The following SNX9 variants were observed in gnomAD, a reference collection of about 807,000 sequenced individuals.
The protein encoded by SNX9 is sorting nexin-9.
Under a neutral mutation model 89.4 loss-of-function variants are expected in SNX9, and 44 were observed. That is an observed-to-expected ratio of 0.49 (90% confidence interval 0.39 to 0.63). SNX9 has a LOEUF of 0.63. Ranked by LOEUF, SNX9 falls within the 30% of genes least tolerant of loss-of-function variation. The pLI, the probability that SNX9 is intolerant of heterozygous loss-of-function variation, is 0.00. For missense variants in SNX9, 578 were observed against 736.1 expected (o/e 0.79, Z 2.49); for synonymous variants, 236 against 247.8 (o/e 0.95, Z 0.45).
intron 1 of SNX9, among the ~76,000 whole-genome samples, chr6:157,860,625 G>C (rs534681051): frequency 1.3e-5 from 2 of 152,292 alleles, no homozygotes; most frequent in African/African-American, 4.8e-5. Flanking sequence ...GCATATAGAA[G>C]CTTTGATCTG....
intron 1 of SNX9, among the ~76,000 whole-genome samples, chr6:157,864,345 G>T (rs1399290055): frequency 6.6e-6 from 1 of 152,104 alleles, no homozygotes; most frequent in Non-Finnish European, 1.5e-5. Flanking sequence ...CTGCCTTGGG[G>T]GTTCAGTTTC....
At chr6:157,876,132 C>T (rs974090833) in intron 4 of SNX9, among the ~76,000 whole-genome samples, 1 of 151,488 alleles carries the variant, frequency 6.6e-6, no homozygotes, top group Non-Finnish European at 1.5e-5. Flanking sequence ...AATCATATCA[C>T]TTACAAGTAT....
intron 1 of SNX9, among the ~76,000 whole-genome samples, chr6:157,828,036 G>C (rs529549676): frequency 6.6e-6 from 1 of 152,136 alleles, no homozygotes; most frequent in African/African-American, 2.4e-5. Context: ...AATTCAGAAG[G>C]CATACTTTGT....
chr6:157,823,875 C>G lies in SNX9; in HGVS notation c.12+429C>G, dbSNP rs926567708. ...CCCTCCCGCTGCCGCCTGGGGGACC[C>G]TCGCCCCCGCGGGGCGGGTGGGGGT... On this transcript the variant is annotated intron_variant, in intron 1 of 17. Coordinates refer to ENST00000392185, the MANE Select transcript of SNX9 (RefSeq NM_016224.5). The surrounding 1 kb of genome is among the most constrained non-coding windows in gnomAD (Gnocchi z 4.6). 6.6e-6 allele frequency among the ~76,000 whole-genome samples: 1 copy of G among 151,972 alleles called. No homozygotes were observed. The highest frequency in any genetic ancestry group is 1.5e-5 in the Non-Finnish European group (1 of 67,946).
At chr6:157,892,957 C>G (rs981936907) in intron 4 of SNX9, among the ~76,000 whole-genome samples, 6 of 151,546 alleles carry the variant, frequency 4.0e-5, no homozygotes, top group African/African-American at 1.4e-4. Context: ...CTGTGGCCCT[C>G]CGAGCCCCTC....
intron 4 of SNX9, among the ~76,000 whole-genome samples, chr6:157,893,934 T>C (rs528478400): frequency 6.6e-6 from 1 of 152,042 alleles, no homozygotes; most frequent in Non-Finnish European, 1.5e-5. Flanking sequence ...AATAGATCAC[T>C]AAGAAACAAG....
chr6:157,844,468 C>T (rs1781760786), intron 1 of SNX9, among the ~76,000 whole-genome samples: 1 of 151,172 alleles, frequency 6.6e-6, no homozygotes, highest in African/African-American at 2.5e-5. Flanking sequence ...CCATCAAGTG[C>T]AGAGTCTGCA....
At chr6:157,883,720 TAAC>T (rs1156530237) in intron 4 of SNX9, among the ~76,000 whole-genome samples, 1 of 152,204 alleles carries the variant, frequency 6.6e-6, no homozygotes, top group Non-Finnish European at 1.5e-5. Context: ...CTTCTGAGAA[TAAC>T]AGAGTGACTC....
chr6:157,830,472 C>G (rs1339859357), intron 1 of SNX9: 2 of 152,170 alleles, frequency 1.3e-5, no homozygotes, highest in African/African-American at 4.8e-5. Flanking sequence ...TTAACTTTCT[C>G]AGTTTTAGTA....
At chr6:157,929,191 G>A (rs1425432723) in intron 12 of SNX9, among the ~76,000 whole-genome samples, 1 of 152,194 alleles carries the variant, frequency 6.6e-6, no homozygotes, top group African/African-American at 2.4e-5. Context: ...ACTCTGCTGT[G>A]TCCCTAAGAA....
At chr6:157,842,842 G>A (rs1781729257) in intron 1 of SNX9, among the ~76,000 whole-genome samples, 1 of 152,122 alleles carries the variant, frequency 6.6e-6, no homozygotes, top group Admixed American at 6.5e-5. Flanking sequence ...TGGAGCCAGA[G>A]GCTACATGAC....
intron 5 of SNX9, among the ~76,000 whole-genome samples, chr6:157,898,679 C>T (rs1203686705): frequency 6.6e-6 from 1 of 152,126 alleles, no homozygotes; most frequent in Non-Finnish European, 1.5e-5. Flanking sequence ...GTATTTATGT[C>T]TGATCTGAAA....
chr6:157,878,465 A>C (rs936003106), intron 4 of SNX9, among the ~76,000 whole-genome samples: 6 of 146,952 alleles, frequency 4.1e-5, no homozygotes, highest in Non-Finnish European at 7.4e-5. Context: ...AGTCTCGCTC[A>C]GTCGCTCAGG....
At chr6:157,902,823 G>A (rs1410494518) in intron 6 of SNX9, among the ~76,000 whole-genome samples, 1 of 152,026 alleles carries the variant, frequency 6.6e-6, no homozygotes, top group African/African-American at 2.4e-5. Context: ...ATGTGCCACC[G>A]CGCCCAGCTA....
intron 4 of SNX9, 36 bp from the exon 5 acceptor site, chr6:157,896,791 C>A: frequency 6.2e-7 from 1 of 1,611,282 alleles, no homozygotes; most frequent in South Asian, 1.1e-5. Flanking sequence ...TTCCAAAAGT[C>A]ACAAAAATTC....
At chr6:157,892,085 A>G (rs1470241758) in intron 4 of SNX9, among the ~76,000 whole-genome samples, 1 of 151,998 alleles carries the variant, frequency 6.6e-6, no homozygotes, top group Non-Finnish European at 1.5e-5. Context: ...GAGAAAGAGG[A>G]TGAAGATGCT....
chr6:157,921,857 C>T (rs1480816771), intron 10 of SNX9, among the ~76,000 whole-genome samples, 196 bp downstream of exon 10: 1 of 152,194 alleles, frequency 6.6e-6, no homozygotes, highest in African/African-American at 2.4e-5. Flanking sequence ...GCCAGAAGGG[C>T]TTCCCCCTAC....
chr6:157,927,718 CTTTTTTTTTTTTT>C (rs761592456), intron 11 of SNX9, among the ~76,000 whole-genome samples: 3 of 98,762 alleles, frequency 3.0e-5, no homozygotes, highest in Non-Finnish European at 5.9e-5. Context: ...TAATTTTAAG[CTTTTTTTTTTTTT>C]TTTTTTTTTT....
intron 1 of SNX9, among the ~76,000 whole-genome samples, chr6:157,844,155 G>T (rs1461565490): frequency 6.6e-5 from 10 of 151,966 alleles, no homozygotes; most frequent in Non-Finnish European, 1.3e-4. Flanking sequence ...GATTGTAACC[G>T]CCCAATGGGT....
Sources: gnomAD v4.1 joint callset for allele counts (sites outside exome capture counted in the v4.1 genomes callset) on GRCh38, gnomAD v4.1.1 for gene constraint, Gnocchi (gnomAD v3.1) non-coding constraint, MANE v1.5 for transcripts, NCBI Gene and HGNC (gene_info 2026-07-23, HGNC 2026-07-21) for gene names.